Variants in MLIP observed in about 807,000 individuals in gnomAD.
MLIP encodes muscular LMNA interacting protein.
Under a neutral mutation model 84.8 loss-of-function variants are expected in MLIP, and 79 were observed. That is an observed-to-expected ratio of 0.93 (90% CI 0.78 to 1.12). MLIP has a LOEUF of 1.12. Ranked by LOEUF, MLIP falls within the 50% of genes most tolerant of loss-of-function variation. The pLI is 0.00. For synonymous variants in MLIP, 504 were observed against 463.0 expected (o/e 1.09, Z -1.14); for missense variants, 1,257 against 1,160.6 (o/e 1.08, Z -1.21).
At chr6:54,178,072 C>T (rs181508932) in intron 9 of MLIP, among the ~76,000 whole-genome samples, 21 of 152,026 alleles carry the variant, frequency 1.4e-4, no homozygotes, top group Non-Finnish European at 2.5e-4. Flanking sequence ...AGAGGGAGAG[C>T]GTCAGGATAA....
intron 9 of MLIP, among the ~76,000 whole-genome samples, chr6:54,176,980 G>T (rs1337498887): frequency 6.6e-6 from 1 of 152,106 alleles, no homozygotes; most frequent in Non-Finnish European, 1.5e-5. Context: ...AAAAGGTGCT[G>T]GGAAAATTGG....
chr6:54,160,023 C>T (rs910403610), intron 5 of MLIP, among the ~76,000 whole-genome samples: 1 of 152,032 alleles, frequency 6.6e-6, no homozygotes, highest in African/African-American at 2.4e-5. Flanking sequence ...AATAATGCCA[C>T]ACATCTGCAA....
chr6:54,262,004 A>G (rs1463116436), intron 13 of MLIP, among the ~76,000 whole-genome samples: 1 of 152,022 alleles, frequency 6.6e-6, no homozygotes, highest in East Asian at 1.9e-4. Flanking sequence ...AATTTGTCTT[A>G]TAAAAATAAA....
chr6:54,100,584 T>C (rs1768570230), intron 1 of MLIP, among the ~76,000 whole-genome samples: 1 of 152,164 alleles, frequency 6.6e-6, no homozygotes, highest in African/African-American at 2.4e-5. Flanking sequence ...GAGGGGATTA[T>C]ATTATATTTG....
intron 1 of MLIP, among the ~76,000 whole-genome samples, chr6:54,026,729 G>C (rs1270616440): frequency 1.3e-5 from 2 of 151,936 alleles, no homozygotes; most frequent in Non-Finnish European, 2.9e-5. Context: ...GTGTGTGTGT[G>C]TGTGTGTGTG....
At chr6:54,083,760 T>C in intron 1 of MLIP, 1 of 907,216 alleles carries the variant, frequency 1.1e-6, no homozygotes, top group Non-Finnish European at 1.7e-6. Flanking sequence ...CTGTTTATAA[T>C]GGTATCAGAC....
intron 2 of MLIP, 34 bp from the exon 3 acceptor site, chr6:54,124,439 T>G (rs1185648766): frequency 3.2e-6 from 5 of 1,560,462 alleles, no homozygotes; most frequent in Non-Finnish European, 4.3e-6. Context: ...ATTAAACTAA[T>G]GTCAATGCTT....
At chr6:54,194,917 T>C (rs2150692261) in intron 10 of MLIP, among the ~76,000 whole-genome samples, 1 of 151,994 alleles carries the variant, frequency 6.6e-6, no homozygotes, top group Middle Eastern at 3.4e-3. Flanking sequence ...GATATTTGTT[T>C]GAGGGGAAAA....
chr6:54,252,063 A>G (rs1352801651), intron 12 of MLIP, among the ~76,000 whole-genome samples: 3 of 95,372 alleles, frequency 3.1e-5, no homozygotes, highest in African/African-American at 4.5e-5. Context: ...AAATATATAT[A>G]TTATAACATA....
rs182515198 is a variant in MLIP at position 54,179,716 on chromosome 6, C to T, written c.2544+10144C>T. 1.4e-3 allele frequency among the ~76,000 whole-genome samples: 213 copies of T among 152,024 alleles called. 1 individual carries two copies. The highest frequency in any genetic ancestry group is 2.4e-3 in the Non-Finnish European group (166 of 67,934). ...AAACCCTACACTTTAACTTCATGTC[C>T]CTGCTTTTTAACTTTTTGTTGTTTT... On this transcript the variant is annotated intron_variant, in intron 9 of 13. Transcript: ENST00000502396.
chr6:54,063,075 G>A (rs143061138), intron 1 of MLIP, among the ~76,000 whole-genome samples: 7 of 152,034 alleles, frequency 4.6e-5, no homozygotes, highest in East Asian at 1.9e-4. Flanking sequence ...TCGTGGTGGC[G>A]TACGCCTGTA....
chr6:54,123,771 A>G (rs904677284), intron 2 of MLIP, among the ~76,000 whole-genome samples: 7 of 152,240 alleles, frequency 4.6e-5, no homozygotes, highest in African/African-American at 1.7e-4. Flanking sequence ...CTCAGTATAC[A>G]TGGCTGTCAT....
rs1783660634 is a variant in MLIP at position 54,265,942 on chromosome 6, T to C, written c.2977-8T>C. 1 of 1,611,244 alleles carries C rather than the reference T, an allele frequency of 6.2e-7. No homozygotes were observed. The highest frequency in any genetic ancestry group is 1.3e-5 in the African/African-American group (1 of 74,946). On this transcript the variant is annotated splice_polypyrimidine_tract_variant and splice_region_variant and intron_variant, in intron 13 of 13. Transcript: ENST00000502396. ...TTAACCTGACTACCATATTCTCTTA[T>C]TTTACAGCAATGAAGTTGGAGCAGA... is the stretch of plus-strand genomic sequence containing the variant.
At position 54,064,220 on chromosome 6, in the gene MLIP, G is replaced by A. The variant is rs1344366110; in HGVS notation, c.63+45129G>A. Among the ~76,000 whole-genome samples the A allele has an allele frequency of 2.0e-5, 2 of 99,886 alleles. 1 individual carries two copies. Among genetic ancestry groups the A allele is most frequent in the Non-Finnish European group, 5.8e-5 (2 of 34,764 alleles). 65.5% of individuals were successfully genotyped at this position (99,886 alleles called of 152,430 possible). A position where few individuals can be genotyped will look rare whatever the true frequency, so the allele number is the denominator to read the frequency against. On this transcript the variant is annotated intron_variant, in intron 1 of 12. Coordinates refer to the MLIP transcript ENST00000274897. ...TGTCAAGAGTTAACAACAGGTACAC[G>A]TTTATTTGTCACCTAGGGCATGTGA... is the stretch of plus-strand genomic sequence containing the variant.
At chr6:54,151,294 G>T (rs1449390174) in intron 5 of MLIP, among the ~76,000 whole-genome samples, 1 of 152,022 alleles carries the variant, frequency 6.6e-6, no homozygotes, top group Admixed American at 6.6e-5. Flanking sequence ...AAGGTTTTAT[G>T]AGTTACCTCC....
At chr6:54,045,873 A>T (rs1333269519) in intron 1 of MLIP, 1 of 152,192 alleles carries the variant, frequency 6.6e-6, no homozygotes, top group Non-Finnish European at 1.5e-5. Flanking sequence ...TAAATTACCC[A>T]GTCTCAGGTA....
intron 12 of MLIP, among the ~76,000 whole-genome samples, chr6:54,232,541 T>C (rs1781078485): frequency 6.6e-6 from 1 of 152,176 alleles, no homozygotes; most frequent in Admixed American, 6.5e-5. Context: ...AATAAGATAG[T>C]AATACAACAT....
chr6:54,226,260 G>T (rs1780564393), intron 11 of MLIP, among the ~76,000 whole-genome samples: 2 of 152,204 alleles, frequency 1.3e-5, no homozygotes, highest in African/African-American at 4.8e-5. Flanking sequence ...GCATAGTGGA[G>T]AGCAGTGGAG....
intron 1 of MLIP, among the ~76,000 whole-genome samples, chr6:54,104,999 T>C (rs1169557184): frequency 6.6e-6 from 1 of 152,182 alleles, no homozygotes; most frequent in Non-Finnish European, 1.5e-5. Flanking sequence ...CCGTTTGTCT[T>C]GCAAGGCTGA....
Sources: allele counts gnomAD v4.1 joint callset (sites outside exome capture counted in the v4.1 genomes callset), GRCh38; gene constraint gnomAD v4.1.1; transcripts MANE v1.5; gene names NCBI Gene and HGNC (gene_info 2026-07-23, HGNC 2026-07-21).